PHACTR2: variants seen among roughly 807,000 people sequenced by gnomAD.
PHACTR2 encodes phosphatase and actin regulator 2, also known as chromosome 6 open reading frame 56.
PHACTR2 carries 30 observed loss-of-function variants against 76.0 expected under a neutral mutation model. That is an observed-to-expected ratio of 0.39 (90% CI 0.30 to 0.54). The LOEUF is 0.54. Ranked by LOEUF, PHACTR2 falls within the 20% of genes least tolerant of loss-of-function variation. The probability of loss-of-function intolerance (pLI) is 0.61; values close to 1 mark genes in which losing one functional copy is unlikely to be tolerated. For synonymous variants in PHACTR2, 292 were observed against 292.5 expected (o/e 1.00, Z 0.02); for missense variants, 696 against 781.1 (o/e 0.89, Z 1.30).
In PHACTR2 at chr6:143,750,370, T is replaced by A. The variant is rs1478968875; in HGVS notation, c.295+1305T>A. On this transcript the variant is annotated intron_variant, in intron 3 of 12. Transcript: ENST00000440869. The surrounding 1 kb of genome is among the most constrained non-coding windows in gnomAD (Gnocchi z 4.6). The stretch of plus-strand genomic sequence containing the variant: ...AACTTTTTAAACTTAAAGGTAGGCT[T>A]GCAATATCAAAATTAATCCCCTGTC... 6.6e-6 allele frequency among the ~76,000 whole-genome samples: 1 copy of A among 152,176 alleles called. No individual in the cohort carries two copies. The highest frequency in any genetic ancestry group is 1.5e-5 in the Non-Finnish European group (1 of 68,020).
chr6:143,682,695 C>A (rs1777419757), intron 1 of PHACTR2, among the ~76,000 whole-genome samples: 1 of 151,866 alleles, frequency 6.6e-6, no homozygotes, highest in Admixed American at 6.6e-5. Context: ...TGGCTAGAAC[C>A]TTTAGTCCAA....
At chr6:143,628,950 T>TATAG (rs1217177730) in intron 1 of PHACTR2, among the ~76,000 whole-genome samples, 4 of 53,698 alleles carry the variant, frequency 7.4e-5, no homozygotes, top group Non-Finnish European at 1.0e-4. Flanking sequence ...TATATATATA[T>TATAG]ATATATATAT....
rs186447966 is a variant in PHACTR2 at position 143,743,019 on chromosome 6, G to A, written c.215-5966G>A. On this transcript the variant is annotated intron_variant, in intron 2 of 12. Coordinates refer to ENST00000440869, the MANE Select transcript of PHACTR2 (RefSeq NM_001100164.2). The surrounding 1 kb of genome is among the most constrained non-coding windows in gnomAD (Gnocchi z 5.0). ...CTCCAAAAGAACCAGGAAAGTAGTT[G>A]CTATCTCTCCATTTTGCAGATGAGG... Among the ~76,000 whole-genome samples the A allele has an allele frequency of 6.6e-6, 1 of 152,302 alleles. No homozygotes were observed. The highest frequency in any genetic ancestry group is 1.9e-4 in the East Asian group (1 of 5,186).
rs1554232032 is a variant in PHACTR2 at position 143,827,188 on chromosome 6, A to ATATATATG, written c.*3506_*3507insGTATATAT. 104 of 130,172 alleles carry ATATATATG rather than the reference A, an allele frequency of 8.0e-4. 1 individual carries two copies. Among genetic ancestry groups the ATATATATG allele is most frequent in the Non-Finnish European group, 1.1e-3 (69 of 60,026 alleles). The allele number at this position is 130,172 out of a possible 1,614,324, so 8.1% of individuals were successfully genotyped here. A position where few individuals can be genotyped will look rare whatever the true frequency, so the allele number is the denominator to read the frequency against. Reference sequence around the variant, plus strand: ...TATATATATATATATATATATATATATATATATATATGTATATTATATATA... The same window carrying ATATATATG: ...TATATATATATATATATATATATATATATATATGTATATATATATGTATATTATATATA... On this transcript the variant is annotated 3_prime_UTR_variant, in exon 13 of 13. Transcript: ENST00000440869.
chr6:143,725,506 G>A lies in PHACTR2; in HGVS notation c.214+13323G>A, dbSNP rs150476696. Among the ~76,000 whole-genome samples, 1,320 of 149,690 alleles carry A rather than the reference G, an allele frequency of 8.8e-3. 9 individuals carry two copies. The highest frequency in any genetic ancestry group is 0.015 in the Non-Finnish European group (999 of 67,790). On this transcript the variant is annotated intron_variant, in intron 2 of 12. Coordinates refer to ENST00000440869, the MANE Select transcript of PHACTR2 (RefSeq NM_001100164.2). Reference sequence around the variant, plus strand: ...TGAGCCACCGCGCCCGGCCTGTGCTGTCTTTTTATAGTCACGCCTTCCCAA... The same window carrying A: ...TGAGCCACCGCGCCCGGCCTGTGCTATCTTTTTATAGTCACGCCTTCCCAA...
At chr6:143,813,231 C>T (rs1028904272) in intron 12 of PHACTR2, among the ~76,000 whole-genome samples, 1 of 152,090 alleles carries the variant, frequency 6.6e-6, no homozygotes, top group African/African-American at 2.4e-5. Context: ...AATTGAGGCT[C>T]TTAGAGTTAA....
In PHACTR2 at chr6:143,749,056, C is replaced by A. The variant is rs1232812033; in HGVS notation, c.286C>A (p.Pro96Thr). 6.5e-7 allele frequency: 1 copy of A among 1,540,298 alleles called. No homozygotes were observed. The highest frequency in any genetic ancestry group is 9.0e-7 in the Non-Finnish European group (1 of 1,113,518). The change falls in exon 3 of 13, where the codon CCT becomes ACT. Residue 96 changes from proline (P) to threonine (T), a missense_variant. Pro to Thr is a conservative substitution (Grantham distance 38). Transcript: ENST00000440869. ...AAGAAGGGGAGTGCTTAAGGAATTG[C>A]CTGATCAAGGTGAGGAAATTAATCA... is the stretch of plus-strand genomic sequence containing the variant. ...LIRRGVLKELPDQDGDVTVNF... is the reference protein window; with the variant it reads ...LIRRGVLKELTDQDGDVTVNF...
intron 2 of PHACTR2, among the ~76,000 whole-genome samples, chr6:143,744,222 A>C (rs1779005040): frequency 6.6e-6 from 1 of 152,236 alleles, no homozygotes; most frequent in Admixed American, 6.5e-5. Flanking sequence ...AGGAGGGAGA[A>C]GACAGAAGAT....
At chr6:143,747,997 T>G (rs1424560010) in intron 2 of PHACTR2, among the ~76,000 whole-genome samples, 1 of 152,174 alleles carries the variant, frequency 6.6e-6, no homozygotes, top group East Asian at 1.9e-4. Flanking sequence ...CATTTACATT[T>G]GTTCCAGAAG....
rs1273099597 is a variant in PHACTR2, at chr6:143,695,362, G to T, written c.47-16654G>T. Among the ~76,000 whole-genome samples, 2 of 152,152 alleles carry T rather than the reference G, an allele frequency of 1.3e-5. No homozygotes were observed. The highest frequency in any genetic ancestry group is 2.9e-5 in the Non-Finnish European group (2 of 68,028). On this transcript the variant is annotated intron_variant, in intron 1 of 12. Coordinates refer to ENST00000440869, the MANE Select transcript of PHACTR2 (RefSeq NM_001100164.2). This position sits in a 1 kb window ranked among gnomAD's most constrained non-coding sequence, Gnocchi z 4.4. ...ATGCTGAGCACTCAATCTGAGGAAG[G>T]TTAAAAGTCATAGAATATTGGTGTT...
intron 4 of PHACTR2, among the ~76,000 whole-genome samples, chr6:143,756,863 C>T (rs921091806): frequency 2.6e-5 from 4 of 152,134 alleles, no homozygotes; most frequent in African/African-American, 9.7e-5. Flanking sequence ...GCCTGGCCAA[C>T]AGGGCAAAGC....
Position 143,614,660 on chromosome 6 carries a change from T to C in PHACTR2, c.13+6338T>C, listed in dbSNP as rs576121347. On this transcript the variant is annotated intron_variant, in intron 1 of 11. Coordinates refer to the PHACTR2 transcript ENST00000305766. ...ATATGTACATTTCATGATACTTAAC[T>C]TCCATAAGTGTCAGTGCTTGATTGT... Among the ~76,000 whole-genome samples, 10 of 152,334 alleles carry C rather than the reference T, an allele frequency of 6.6e-5. No individual in the cohort carries two copies. In the South Asian group the frequency reaches 2.1e-3, roughly 32 times the overall value.
intron 1 of PHACTR2, among the ~76,000 whole-genome samples, chr6:143,637,051 A>G (rs879791236): frequency 2.6e-5 from 4 of 152,256 alleles, no homozygotes; most frequent in Middle Eastern, 3.2e-3. Flanking sequence ...ATAAAGGTAC[A>G]GGCCTGAAGA....
intron 1 of PHACTR2, among the ~76,000 whole-genome samples, chr6:143,632,984 C>A (rs900108307): frequency 6.6e-6 from 1 of 152,098 alleles, no homozygotes; most frequent in South Asian, 2.1e-4. Flanking sequence ...CTGGACATAC[C>A]ACATTTTATT....
chr6:143,827,196 A>ATATATATATATATG lies in PHACTR2; in HGVS notation c.*3510_*3511insATATATATATGTAT, dbSNP rs1337456568. ...TATATATATATATATATATATATAT[A>ATATATATATATATG]TATGTATATTATATATACAGTAGCT... is the stretch of plus-strand genomic sequence containing the variant. On this transcript the variant is annotated 3_prime_UTR_variant, in exon 13 of 13. Coordinates refer to ENST00000440869, the MANE Select transcript of PHACTR2 (RefSeq NM_001100164.2). The ATATATATATATATG allele has an allele frequency of 5.0e-5, 6 of 120,174 alleles. No individual in the cohort carries two copies. Among genetic ancestry groups the ATATATATATATATG allele is most frequent in the African/African-American group, 1.8e-4 (6 of 33,108 alleles). 7.4% of individuals were successfully genotyped at this position (120,174 alleles called of 1,614,324 possible). A position where few individuals can be genotyped will look rare whatever the true frequency, so the allele number is the denominator to read the frequency against.
In PHACTR2 at chr6:143,689,237, A is replaced by G. The variant is rs1777587553; in HGVS notation, c.46+11028A>G. Among the ~76,000 whole-genome samples, 1 of 152,124 alleles carries G rather than the reference A, an allele frequency of 6.6e-6. No homozygotes were observed. Among genetic ancestry groups the G allele is most frequent in the African/African-American group, 2.4e-5 (1 of 41,430 alleles). On this transcript the variant is annotated intron_variant, in intron 1 of 12. Transcript: ENST00000440869. The surrounding 1 kb of genome is among the most constrained non-coding windows in gnomAD (Gnocchi z 4.4). ...AGCTCTCTGTGCCTTCACTGCACTT[A>G]GCACTCAGATGATCTTGTTTGTTTG...
At chr6:143,778,870 G>T (rs1775348356) in intron 9 of PHACTR2, among the ~76,000 whole-genome samples, 1 of 152,154 alleles carries the variant, frequency 6.6e-6, no homozygotes, top group South Asian at 2.1e-4. Flanking sequence ...ATGGAGTTTG[G>T]TTATCTGAGG....
chr6:143,717,313 C>G (rs980050112), intron 2 of PHACTR2, among the ~76,000 whole-genome samples: 1 of 152,218 alleles, frequency 6.6e-6, no homozygotes, highest in Admixed American at 6.5e-5. Context: ...TCAGCACCAG[C>G]TGATCCTCCT....
In PHACTR2 at chr6:143,811,030, TTA is replaced by T. The variant is rs1321453122; in HGVS notation, c.1922+3899_1922+3900del. ...TGTATATTCAAATCTATCTGTATTG[TTA>T]TGTTTTACTTCATTGTTTTGTGTCT... On this transcript the variant is annotated intron_variant, in intron 12 of 12. Coordinates refer to ENST00000440869, the MANE Select transcript of PHACTR2 (RefSeq NM_001100164.2). This position sits in a 1 kb window ranked among gnomAD's most constrained non-coding sequence, Gnocchi z 4.1. 3.3e-5 allele frequency among the ~76,000 whole-genome samples: 5 copies of T among 152,238 alleles called. No individual in the cohort carries two copies. Among genetic ancestry groups the T allele is most frequent in the Admixed American group, 1.3e-4 (2 of 15,288 alleles).
Sources: allele counts gnomAD v4.1 joint callset (sites outside exome capture counted in the v4.1 genomes callset), GRCh38; gene constraint gnomAD v4.1.1; non-coding constraint Gnocchi (gnomAD v3.1); transcripts MANE v1.5; gene names NCBI Gene and HGNC (gene_info 2026-07-23, HGNC 2026-07-21).